The following LRRC4C variants were observed in gnomAD, a reference collection of about 807,000 sequenced individuals.
LRRC4C encodes the protein leucine-rich repeat-containing protein 4C.
LRRC4C carries 5 observed loss-of-function variants against 33.6 expected under a neutral mutation model. The ratio of observed to expected loss-of-function variants is 0.15; its 90% CI spans 0.08 to 0.31. The LOEUF is 0.31. LRRC4C is among the 10% of genes least tolerant of loss of function. The probability of loss-of-function intolerance (pLI) is 1.00; values close to 1 mark genes in which losing one functional copy is unlikely to be tolerated. For missense variants in LRRC4C, 560 were observed against 796.7 expected (o/e 0.70, Z 3.58); for synonymous variants, 329 against 302.0 (o/e 1.09, Z -0.93).
At chr11:41,212,713 A>G (rs1324871293) in intron 1 of LRRC4C, among the ~76,000 whole-genome samples, 9 of 152,148 alleles carry the variant, frequency 5.9e-5, no homozygotes, top group Non-Finnish European at 1.3e-4. Context: ...GCTTCCATTT[A>G]TCGAAGCTCC....
intron 4 of LRRC4C, among the ~76,000 whole-genome samples, chr11:40,279,071 T>C (rs148308251): frequency 8.5e-5 from 13 of 152,270 alleles, no homozygotes; most frequent in Admixed American, 5.9e-4. Context: ...AAGAGAAATA[T>C]AGGGAAAACA....
At chr11:41,205,802 C>A (rs4627063) in intron 1 of LRRC4C, among the ~76,000 whole-genome samples, 65,726 of 152,030 alleles carry the variant, frequency 0.43, 16,730 homozygotes, top group South Asian at 0.63. Context: ...GAAGTAGATT[C>A]TATTATTATC....
intron 5 of LRRC4C, among the ~76,000 whole-genome samples, chr11:40,165,403 CTGTT>C (rs1488782134): frequency 3.7e-4 from 56 of 151,972 alleles, no homozygotes; most frequent in African/African-American, 1.3e-3. Context: ...GTTTATGCGT[CTGTT>C]TGTCTGTGTG....
chr11:40,491,749 G>A (rs1449391788), intron 3 of LRRC4C, among the ~76,000 whole-genome samples: 2 of 152,072 alleles, frequency 1.3e-5, no homozygotes, highest in Non-Finnish European at 2.9e-5. Flanking sequence ...CAACTGATTA[G>A]GGGCCTTTAT....
chr11:40,178,106 C>G (rs1860666810), intron 5 of LRRC4C, among the ~76,000 whole-genome samples: 2 of 152,090 alleles, frequency 1.3e-5, no homozygotes, highest in Non-Finnish European at 2.9e-5. Flanking sequence ...TTACTGATGT[C>G]AATAGCATGA....
chr11:40,749,380 C>T (rs920293671), intron 2 of LRRC4C, among the ~76,000 whole-genome samples: 2 of 131,502 alleles, frequency 1.5e-5, no homozygotes, highest in African/African-American at 5.8e-5. Context: ...ACTGGGTCAA[C>T]AAAGAGGTTA....
At chr11:40,281,876 C>T (rs997479730) in intron 4 of LRRC4C, among the ~76,000 whole-genome samples, 3 of 152,114 alleles carry the variant, frequency 2.0e-5, no homozygotes, top group African/African-American at 7.2e-5. Flanking sequence ...GACCCCCACT[C>T]CCACACACAC....
intron 3 of LRRC4C, among the ~76,000 whole-genome samples, chr11:40,327,929 C>T (rs1223454650): frequency 6.6e-6 from 1 of 151,844 alleles, no homozygotes; most frequent in African/African-American, 2.4e-5. Context: ...CTTCCAAATT[C>T]TAATTGTGAA....
Position 40,114,525 on chromosome 11 carries a change from T to C in LRRC4C, c.1768A>G (p.Ile590Val), listed in dbSNP as rs1265399104. ...PMESHLPMPA[I>V]EHEHLNHYNS... Reference sequence around the variant, plus strand: ...TAGTGATTTAGGTGCTCATGCTCGATAGCAGGCATGGGCAGGTGGCTTTCC... The same window carrying C: ...TAGTGATTTAGGTGCTCATGCTCGACAGCAGGCATGGGCAGGTGGCTTTCC... Residue 590 changes from isoleucine (I) to valine (V), a missense_variant, in exon 7 of 7, where the codon ATC becomes GTC. Coordinates refer to ENST00000528697, the MANE Select transcript of LRRC4C (RefSeq NM_001258419.2). The C allele has an allele frequency of 1.2e-6, 2 of 1,614,160 alleles. No individual in the cohort carries two copies. Among genetic ancestry groups the C allele is most frequent in the Non-Finnish European group, 1.7e-6 (2 of 1,180,004 alleles).
chr11:41,004,918 T>C (rs1272230784), intron 1 of LRRC4C, among the ~76,000 whole-genome samples: 2 of 152,174 alleles, frequency 1.3e-5, no homozygotes, highest in Non-Finnish European at 2.9e-5. Flanking sequence ...TAAAAGATGG[T>C]TAGAAAACAG....
At chr11:40,840,783 A>G (rs1952877558) in intron 2 of LRRC4C, among the ~76,000 whole-genome samples, 1 of 152,232 alleles carries the variant, frequency 6.6e-6, no homozygotes, top group African/African-American at 2.4e-5. Context: ...TGAATAAAGA[A>G]CAGTAAAACA....
chr11:40,300,668 A>G (rs867972712), intron 4 of LRRC4C, among the ~76,000 whole-genome samples: 1 of 152,232 alleles, frequency 6.6e-6, no homozygotes, highest in Non-Finnish European at 1.5e-5. Context: ...ATAGCCTCAC[A>G]TACATTTTAA....
At position 40,775,907 on chromosome 11, in the gene LRRC4C, G is replaced by A. The variant is rs1949973759; in HGVS notation, c.-406-127629C>T. Among the ~76,000 whole-genome samples the A allele has an allele frequency of 2.6e-5, 4 of 152,072 alleles. No individual in the cohort carries two copies. The South Asian group carries it at 8.3e-4, about 31-fold the overall frequency. Reference sequence around the variant, plus strand: ...TGACTGTTCAGTATGTTAACTGTGGGTTTGTCATAGATGGGAGTCATTATT... The same window carrying A: ...TGACTGTTCAGTATGTTAACTGTGGATTTGTCATAGATGGGAGTCATTATT... On this transcript the variant is annotated intron_variant, in intron 2 of 6. Transcript: ENST00000528697.
At chr11:40,869,745 T>G (rs1002782157) in intron 2 of LRRC4C, among the ~76,000 whole-genome samples, 1 of 152,164 alleles carries the variant, frequency 6.6e-6, no homozygotes, top group African/African-American at 2.4e-5. Context: ...CGCAAGAACC[T>G]GGAAGTTTGC....
intron 1 of LRRC4C, among the ~76,000 whole-genome samples, chr11:41,330,444 G>T (rs761352910): frequency 6.6e-6 from 1 of 152,090 alleles, no homozygotes; most frequent in South Asian, 2.1e-4. Context: ...AGTGGCTAGG[G>T]TTTAAAACTA....
At chr11:41,209,934 C>T (rs1034066225) in intron 1 of LRRC4C, among the ~76,000 whole-genome samples, 4 of 152,002 alleles carry the variant, frequency 2.6e-5, no homozygotes, top group South Asian at 2.1e-4. Flanking sequence ...AGATAGGACT[C>T]GTGTCACTGT....
intron 4 of LRRC4C, among the ~76,000 whole-genome samples, chr11:40,243,482 G>A (rs1189499708): frequency 2.6e-5 from 4 of 152,074 alleles, no homozygotes; most frequent in Admixed American, 6.6e-5. Flanking sequence ...AGTGATATGA[G>A]TATGTCTCAC....
chr11:40,891,036 A>T (rs1459155111), intron 2 of LRRC4C, among the ~76,000 whole-genome samples: 1 of 152,096 alleles, frequency 6.6e-6, no homozygotes, highest in Admixed American at 6.6e-5. Flanking sequence ...TGAGGTCAGC[A>T]GTTCAAAACC....
intron 4 of LRRC4C, among the ~76,000 whole-genome samples, chr11:40,286,765 G>T (rs1386091097): frequency 6.6e-6 from 1 of 152,040 alleles, no homozygotes; most frequent in Non-Finnish European, 1.5e-5. Flanking sequence ...AGGAAACCGA[G>T]GATTAACAAG....
Sources: gnomAD v4.1 joint callset for allele counts (sites outside exome capture counted in the v4.1 genomes callset) on GRCh38, gnomAD v4.1.1 for gene constraint, MANE v1.5 for transcripts, NCBI Gene and HGNC (gene_info 2026-07-23, HGNC 2026-07-21) for gene names.